HFE: variants seen among roughly 807,000 people sequenced by gnomAD.
HFE encodes the protein hereditary hemochromatosis protein.
HFE carries 36 observed loss-of-function variants against 40.9 expected under a neutral mutation model. That is an observed-to-expected ratio of 0.88 (90% CI 0.67 to 1.16). The LOEUF (loss-of-function observed/expected upper bound fraction) is 1.16, where lower values mean the gene tolerates loss of function less well. Ranked by LOEUF, HFE falls within the 50% of genes most tolerant of loss-of-function variation. The pLI is 0.00. For synonymous variants in HFE, 157 were observed against 165.4 expected, an observed-to-expected ratio of 0.95 and a Z score of 0.39; for missense variants, 376 against 432.0, an observed-to-expected ratio of 0.87 and a Z score of 1.15.
In HFE at chr6:26,096,585, C is replaced by T. The variant is rs1274647184; in HGVS notation, c.*2359C>T. ...ACAGCTCAGAAGTTTCTTCTTTAGG[C>T]ATTAAATTTTAGCAAAGATATCTCA... On this transcript the variant is annotated 3_prime_UTR_variant, in exon 6 of 6. Transcript: ENST00000357618. The T allele has an allele frequency of 2.2e-6, 1 of 456,060 alleles. No homozygotes were observed. The highest frequency in any genetic ancestry group is 2.0e-5 in the African/African-American group (1 of 50,042). The allele number at this position is 456,060 out of a possible 1,614,324, so 28.3% of individuals were successfully genotyped here.
Sources: gnomAD v4.1 joint callset for allele counts on GRCh38, gnomAD v4.1.1 for gene constraint, MANE v1.5 for transcripts, NCBI Gene and HGNC (gene_info 2026-07-23, HGNC 2026-07-21) for gene names.